The following FOXP1 variants were observed in gnomAD, a reference collection of about 807,000 sequenced individuals.
FOXP1 encodes forkhead box protein P1.
Under a neutral mutation model 98.2 loss-of-function variants are expected in FOXP1, and 15 were observed. The observed-to-expected ratio is 0.15, with a 90% CI of 0.10 to 0.24. The LOEUF (loss-of-function observed/expected upper bound fraction) is 0.24. Ranked by LOEUF, FOXP1 falls within the 10% of genes least tolerant of loss-of-function variation. The probability of loss-of-function intolerance (pLI) is 1.00; values close to 1 mark genes in which losing one functional copy is unlikely to be tolerated. For synonymous variants in FOXP1, 371 were observed against 314.5 expected (o/e 1.18, Z -1.90); for missense variants, 633 against 848.5 (o/e 0.75, Z 3.15).
chr3:71,109,894 G>T (rs567752833), intron 7 of FOXP1, among the ~76,000 whole-genome samples: 1 of 151,954 alleles, frequency 6.6e-6, no homozygotes, highest in Non-Finnish European at 1.5e-5. Context: ...ATTTCCCCCG[G>T]CCAAATCTTA....
intron 3 of FOXP1, among the ~76,000 whole-genome samples, chr3:71,404,205 G>A (rs1299289635): frequency 3.1e-5 from 4 of 128,020 alleles, no homozygotes; most frequent in South Asian, 2.8e-4. Flanking sequence ...TTGGCTCACC[G>A]CAACCTCCGC....
chr3:71,261,863 G>C (rs140802193), intron 5 of FOXP1, among the ~76,000 whole-genome samples: 1 of 152,128 alleles, frequency 6.6e-6, no homozygotes, highest in Non-Finnish European at 1.5e-5. Context: ...TTTCCAATAA[G>C]AGGGTACACA....
chr3:70,995,933 A>G (rs1396980267), intron 13 of FOXP1, among the ~76,000 whole-genome samples: 2 of 152,192 alleles, frequency 1.3e-5, no homozygotes, highest in Non-Finnish European at 2.9e-5. Context: ...GCCTTTTGTA[A>G]TTGGTATTTC....
At chr3:71,285,992 T>A (rs1171536256) in intron 5 of FOXP1, among the ~76,000 whole-genome samples, 1 of 152,236 alleles carries the variant, frequency 6.6e-6, no homozygotes, top group East Asian at 1.9e-4. Flanking sequence ...TTAGGCGATT[T>A]TGCTACTGTG....
chr3:70,962,111 T>A (rs1455554644), intron 20 of FOXP1, among the ~76,000 whole-genome samples: 2 of 152,212 alleles, frequency 1.3e-5, no homozygotes, highest in Non-Finnish European at 2.9e-5. Flanking sequence ...TGTTTCCATT[T>A]GAGGTCATAT....
chr3:71,175,878 A>G (rs61219749), intron 6 of FOXP1, among the ~76,000 whole-genome samples: 2,491 of 152,272 alleles, frequency 0.016, 65 homozygotes, highest in African/African-American at 0.056. Flanking sequence ...GCAGTGTTCT[A>G]TGTGAGCAAA....
At chr3:71,457,908 C>G (rs934713178) in intron 3 of FOXP1, among the ~76,000 whole-genome samples, 5 of 152,178 alleles carry the variant, frequency 3.3e-5, no homozygotes, top group Non-Finnish European at 7.4e-5. Flanking sequence ...GGGCACAGGA[C>G]AGGGACTATT....
chr3:71,205,508 T>A (rs897625311), intron 5 of FOXP1, among the ~76,000 whole-genome samples: 4 of 150,890 alleles, frequency 2.7e-5, no homozygotes, highest in Admixed American at 6.6e-5. Flanking sequence ...AAGCATGTTT[T>A]AAAAAAAAAC....
intron 1 of FOXP1, 105 bp downstream of exon 1, chr3:71,583,465 CT>C (rs1195207970): frequency 0.12 from 71,589 of 621,586 alleles, 37 homozygotes; most frequent in South Asian, 0.19. Flanking sequence ...TTCTTTCTTT[CT>C]TTTTTTTTTT....
chr3:71,425,435 TTCTTAATA>T (rs2084070251), intron 3 of FOXP1, among the ~76,000 whole-genome samples: 1 of 152,168 alleles, frequency 6.6e-6, no homozygotes, highest in Non-Finnish European at 1.5e-5. Context: ...CATTTTACTG[TTCTTAATA>T]CAGACTCTGG....
intron 6 of FOXP1, among the ~76,000 whole-genome samples, chr3:71,195,634 A>G (rs1370164029): frequency 3.3e-5 from 5 of 152,186 alleles, no homozygotes; most frequent in African/African-American, 1.2e-4. Context: ...GCCCCTGGCG[A>G]GGAATGGGGG....
chr3:71,123,351 C>T (rs550744629), intron 6 of FOXP1, among the ~76,000 whole-genome samples: 40 of 152,316 alleles, frequency 2.6e-4, no homozygotes, highest in African/African-American at 7.2e-4. Context: ...CTCTCTCGCA[C>T]GCTGTGTTTT....
At chr3:71,024,493 A>T (rs1025243162) in intron 11 of FOXP1, among the ~76,000 whole-genome samples, 1 of 152,210 alleles carries the variant, frequency 6.6e-6, no homozygotes, top group Non-Finnish European at 1.5e-5. Context: ...TAAAGGGCCT[A>T]CCCTAGAGTG....
At chr3:71,160,090 T>C (rs2061056610) in intron 6 of FOXP1, among the ~76,000 whole-genome samples, 1 of 152,252 alleles carries the variant, frequency 6.6e-6, no homozygotes, top group Admixed American at 6.5e-5. Flanking sequence ...ATCTCCACTG[T>C]GTCCCAATCA....
chr3:71,049,645 T>G (rs2049564550), intron 9 of FOXP1, among the ~76,000 whole-genome samples: 1 of 149,482 alleles, frequency 6.7e-6, no homozygotes, highest in Admixed American at 6.6e-5. Context: ...AAAAAGGGGG[T>G]GGGGGGAGCC....
At chr3:71,264,280 G>A (rs2069433937) in intron 5 of FOXP1, among the ~76,000 whole-genome samples, 1 of 152,082 alleles carries the variant, frequency 6.6e-6, no homozygotes. Flanking sequence ...ACTTGCCCTG[G>A]AATGACTTCT....
At chr3:71,435,133 C>T (rs61224805) in intron 3 of FOXP1, among the ~76,000 whole-genome samples, 2 of 139,848 alleles carry the variant, frequency 1.4e-5, no homozygotes, top group East Asian at 2.2e-4. Flanking sequence ...GGAAGGTGGA[C>T]GTTGAGGATG....
At chr3:71,151,136 C>G (rs1345040238) in intron 6 of FOXP1, among the ~76,000 whole-genome samples, 1 of 152,194 alleles carries the variant, frequency 6.6e-6, no homozygotes, top group Non-Finnish European at 1.5e-5. Flanking sequence ...TTATTTAACT[C>G]ATCTGAGTCT....
intron 2 of FOXP1, among the ~76,000 whole-genome samples, chr3:71,575,590 G>C (rs1000851065): frequency 6.6e-6 from 1 of 152,310 alleles, no homozygotes; most frequent in Non-Finnish European, 1.5e-5. Flanking sequence ...TCACCCCCAG[G>C]AGGGGAAGCC....
Sources: allele counts gnomAD v4.1 joint callset (sites outside exome capture counted in the v4.1 genomes callset), GRCh38; gene constraint gnomAD v4.1.1; transcripts MANE v1.5; gene names NCBI Gene and HGNC (gene_info 2026-07-23, HGNC 2026-07-21).